The following MMP26 variants were observed in gnomAD, a reference collection of about 807,000 sequenced individuals.
The protein encoded by MMP26 is matrix metalloproteinase-26.
MMP26 carries 33 observed loss-of-function variants against 31.0 expected under a neutral mutation model. The observed-to-expected ratio is 1.06, with a 90% confidence interval of 0.81 to 1.42. The LOEUF (loss-of-function observed/expected upper bound fraction) is 1.42. Among genes scored for constraint, MMP26 ranks in the 40% most tolerant of loss-of-function variants. The pLI is 0.00. For synonymous variants in MMP26, 122 were observed against 114.9 expected, an observed-to-expected ratio of 1.06 and a Z score of -0.40; for missense variants, 347 against 316.1, an observed-to-expected ratio of 1.10 and a Z score of -0.74.
chr11:4,770,992 T>A (rs1320587132), intron 2 of MMP26, among the ~76,000 whole-genome samples: 1 of 152,020 alleles, frequency 6.6e-6, no homozygotes, highest in East Asian at 1.9e-4. Flanking sequence ...AGTGGAAAAT[T>A]GAGAACCTGC....
intron 2 of MMP26, among the ~76,000 whole-genome samples, chr11:4,963,360 T>C (rs1311266394): frequency 6.6e-6 from 1 of 152,198 alleles, no homozygotes; most frequent in Non-Finnish European, 1.5e-5. Flanking sequence ...CCATTGACTT[T>C]CTTCACAGAG....
At chr11:4,805,732 A>G (rs1477510421) in intron 2 of MMP26, among the ~76,000 whole-genome samples, 1 of 152,180 alleles carries the variant, frequency 6.6e-6, no homozygotes, top group African/African-American at 2.4e-5. Context: ...ACAGAGCCCT[A>G]TTGACTACCT....
chr11:4,871,212 T>G (rs1850305953), intron 2 of MMP26, among the ~76,000 whole-genome samples: 1 of 152,038 alleles, frequency 6.6e-6, no homozygotes, highest in East Asian at 1.9e-4. Flanking sequence ...CACATACTGT[T>G]TCAGTGGTGT....
intron 2 of MMP26, among the ~76,000 whole-genome samples, chr11:4,805,702 A>G (rs1339543448): frequency 6.6e-6 from 1 of 152,182 alleles, no homozygotes; most frequent in Non-Finnish European, 1.5e-5. Context: ...TAACTGATTA[A>G]CAATATTCTA....
At position 4,790,718 on chromosome 11, in the gene MMP26, A is replaced by T. The variant is rs1221249061; in HGVS notation, c.-145+23377A>T. Among the ~76,000 whole-genome samples the T allele has an allele frequency of 3.3e-5, 5 of 152,164 alleles. No individual in the cohort carries two copies. The South Asian group carries it at 8.3e-4, about 25-fold the overall frequency. Reference sequence around the variant, plus strand: ...CACACCCTCTCCACTTCCACAAATGATCAATACACATGTTGCCTCCTGCCA... The same window carrying T: ...CACACCCTCTCCACTTCCACAAATGTTCAATACACATGTTGCCTCCTGCCA... On this transcript the variant is annotated intron_variant, in intron 2 of 7. Transcript: ENST00000380390.
intron 2 of MMP26, among the ~76,000 whole-genome samples, chr11:4,962,361 T>C (rs963154507): frequency 2.0e-5 from 3 of 152,220 alleles, no homozygotes; most frequent in Non-Finnish European, 4.4e-5. Context: ...TTAGAACTTA[T>C]GAAATTATAG....
At chr11:4,830,449 T>C (rs1449430594) in intron 2 of MMP26, among the ~76,000 whole-genome samples, 1 of 152,206 alleles carries the variant, frequency 6.6e-6, no homozygotes, top group East Asian at 1.9e-4. Context: ...ATGGGGTACT[T>C]ACTTGTATTT....
rs1420430043 is a variant in MMP26 at position 4,800,811 on chromosome 11, T to C, written c.-145+33470T>C. Among the ~76,000 whole-genome samples, 6 of 151,510 alleles carry C rather than the reference T, an allele frequency of 4.0e-5. No homozygotes were observed. In the South Asian group the frequency reaches 1.2e-3, roughly 31 times the overall value. On this transcript the variant is annotated intron_variant, in intron 2 of 7. Coordinates refer to ENST00000380390, the MANE Select transcript of MMP26 (RefSeq NM_021801.5). Reference sequence around the variant, plus strand: ...AGATGCAGTGAGGCCATCTCTTGCATGGTTTGCTGCTTAGAAATTTTTTAT... The same window carrying C: ...AGATGCAGTGAGGCCATCTCTTGCACGGTTTGCTGCTTAGAAATTTTTTAT...
chr11:4,831,458 T>G (rs892472708), intron 2 of MMP26, among the ~76,000 whole-genome samples: 1 of 152,242 alleles, frequency 6.6e-6, no homozygotes, highest in Non-Finnish European at 1.5e-5. Flanking sequence ...TGAATCATTT[T>G]ACAATGTGTA....
intron 1 of MMP26, among the ~76,000 whole-genome samples, chr11:4,757,592 G>A (rs1429537072): frequency 2.7e-5 from 4 of 148,758 alleles, no homozygotes. Flanking sequence ...AAAATGTAAA[G>A]AACTCAATAA....
rs1202091745 is a variant in MMP26, at chr11:4,914,877, G to A, written c.-144-73191G>A. 2.5e-6 allele frequency: 4 copies of A among 1,614,118 alleles called. No homozygotes were observed. In the Admixed American group the frequency reaches 6.7e-5, roughly 27 times the overall value. On this transcript the variant is annotated intron_variant, in intron 2 of 7. Coordinates refer to ENST00000380390, the MANE Select transcript of MMP26 (RefSeq NM_021801.5). ...TTTCCAAAGCGATGGATGACAGAGA[G>A]GCCAATCATGGGAGTGTAGAAGAGC...
At position 4,748,576 on chromosome 11, in the gene MMP26, C is replaced by CAAAAA. The variant is rs376553434; in HGVS notation, c.-216-18683_-216-18679dup. On this transcript the variant is annotated intron_variant, in intron 1 of 7. Transcript: ENST00000380390. ...TAGCAAACTGAATCAAACAGCACAT[C>CAAAAA]AAAAAAAAAAAAAAACACAACAATG... is the stretch of plus-strand genomic sequence containing the variant. Among the ~76,000 whole-genome samples the CAAAAA allele has an allele frequency of 1.4e-4, 17 of 122,712 alleles. 1 individual carries two copies. Among genetic ancestry groups the CAAAAA allele is most frequent in the African/African-American group, 4.3e-4 (15 of 35,006 alleles). 80.5% of individuals were successfully genotyped at this position (122,712 alleles called of 152,430 possible).
intron 2 of MMP26, among the ~76,000 whole-genome samples, chr11:4,953,552 C>T (rs1167659134): frequency 8.0e-6 from 1 of 124,596 alleles, no homozygotes; most frequent in African/African-American, 2.7e-5. Context: ...ATTAAGCCAA[C>T]ATTTAAAGAA....
chr11:4,961,549 A>T (rs1171987235), intron 2 of MMP26, among the ~76,000 whole-genome samples: 1 of 152,248 alleles, frequency 6.6e-6, no homozygotes, highest in African/African-American at 2.4e-5. Context: ...CAATTTGGCA[A>T]CCATAAGCAT....
chr11:4,748,424 A>G (rs73393026), intron 1 of MMP26, among the ~76,000 whole-genome samples: 2 of 152,084 alleles, frequency 1.3e-5, no homozygotes, highest in Non-Finnish European at 2.9e-5. Flanking sequence ...GGAGGGGGGA[A>G]TTACCCCTAA....
intron 2 of MMP26, among the ~76,000 whole-genome samples, chr11:4,957,121 T>C (rs1286973096): frequency 1.3e-5 from 2 of 152,204 alleles, no homozygotes; most frequent in East Asian, 3.9e-4. Context: ...ACTGTCAGGA[T>C]GGTCAAGCAA....
At chr11:4,722,784 G>T in intron 1 of MMP26, 1 of 1,000,194 alleles carries the variant, frequency 1.0e-6, no homozygotes, top group Non-Finnish European at 1.6e-6. Flanking sequence ...CCCTTCGTGG[G>T]TCTCGATATT....
At chr11:4,991,738 C>T (rs975708714) in intron 6 of MMP26, among the ~76,000 whole-genome samples, 2 of 152,070 alleles carry the variant, frequency 1.3e-5, no homozygotes, top group Non-Finnish European at 2.9e-5. Flanking sequence ...GCCAGTCCCT[C>T]TTTCTTTCCA....
At chr11:4,847,952 A>G (rs1220400891) in intron 2 of MMP26, 3 of 364,424 alleles carry the variant, frequency 8.2e-6, no homozygotes, top group Non-Finnish European at 1.5e-5. Flanking sequence ...ACTAACAACA[A>G]TAAGATAACA....
Sources: gnomAD v4.1 joint callset for allele counts (sites outside exome capture counted in the v4.1 genomes callset) on GRCh38, gnomAD v4.1.1 for gene constraint, MANE v1.5 for transcripts, NCBI Gene and HGNC (gene_info 2026-07-23, HGNC 2026-07-21) for gene names.